The following KPNA5 variants were observed in gnomAD, a reference collection of about 807,000 sequenced individuals.
KPNA5 encodes the protein importin subunit alpha-6.
KPNA5 carries 46 observed loss-of-function variants against 71.3 expected under a neutral mutation model. The ratio of observed to expected loss-of-function variants is 0.65; its 90% CI spans 0.51 to 0.83. KPNA5 has a LOEUF of 0.83. KPNA5 is among the 40% of genes least tolerant of loss of function. The pLI is 0.00. For missense variants in KPNA5, 547 were observed against 628.3 expected, an observed-to-expected ratio of 0.87 and a Z score of 1.38; for synonymous variants, 207 against 201.4, an observed-to-expected ratio of 1.03 and a Z score of -0.24.
intron 7 of KPNA5, among the ~76,000 whole-genome samples, 186 bp downstream of exon 7, chr6:116,705,346 T>C (rs1235860041): frequency 6.6e-6 from 1 of 152,228 alleles, no homozygotes; most frequent in Non-Finnish European, 1.5e-5. Context: ...TATGTTCCCT[T>C]AAACCACACG....
At chr6:116,709,112 C>T (rs1778555097) in intron 7 of KPNA5, among the ~76,000 whole-genome samples, 1 of 152,130 alleles carries the variant, frequency 6.6e-6, no homozygotes, top group Non-Finnish European at 1.5e-5. Context: ...CATCCTGCAA[C>T]TTTGTTGAAT....
chr6:116,708,562 T>G (rs1778533629), intron 7 of KPNA5, among the ~76,000 whole-genome samples: 1 of 152,204 alleles, frequency 6.6e-6, no homozygotes, highest in Admixed American at 6.5e-5. Context: ...AGGCTTCCAA[T>G]TCATGAACCT....
In KPNA5 at chr6:116,702,117, T is replaced by A; in HGVS notation, c.534T>A (p.Leu178=). 1.9e-6 allele frequency: 3 copies of A among 1,614,008 alleles called. No homozygotes were observed. Among genetic ancestry groups the A allele is most frequent in the Non-Finnish European group, 2.5e-6 (3 of 1,179,948 alleles). Residue 178 remains leucine (L), a synonymous_variant, in exon 6 of 14, where the codon CTT becomes CTA. Transcript: ENST00000368564. The stretch of plus-strand genomic sequence containing the variant: ...GGGCTGTTCCGATTTTTATCAAACT[T>A]CTTAATTCTGAACATGAAGATGTTC... ...ETGAVPIFIK[L]LNSEHEDVQE...
At chr6:116,685,228 A>G (rs1195409134) in intron 1 of KPNA5, among the ~76,000 whole-genome samples, 1 of 152,220 alleles carries the variant, frequency 6.6e-6, no homozygotes, top group African/African-American at 2.4e-5. Flanking sequence ...AACAATGTGG[A>G]CGACTCAAAT....
intron 1 of KPNA5, among the ~76,000 whole-genome samples, chr6:116,688,508 A>C (rs1777679459): frequency 6.6e-6 from 1 of 152,156 alleles, no homozygotes; most frequent in Non-Finnish European, 1.5e-5. Context: ...CAGTATTTTA[A>C]TATTCCTATA....
In KPNA5 at chr6:116,706,806, A is replaced by T. The variant is rs185097492; in HGVS notation, c.656+1646A>T. On this transcript the variant is annotated intron_variant, in intron 7 of 13. Transcript: ENST00000368564. ...ATTTAAAAAAATAAGAAAAGTAATT[A>T]AAAGGAAGTTAAGTTAGATACTCTC... Among the ~76,000 whole-genome samples the T allele has an allele frequency of 3.9e-5, 6 of 152,316 alleles. No homozygotes were observed. In the East Asian group the frequency reaches 9.6e-4, roughly 24 times the overall value.
At chr6:116,683,269 T>A (rs1427654879) in intron 1 of KPNA5, among the ~76,000 whole-genome samples, 1 of 152,190 alleles carries the variant, frequency 6.6e-6, no homozygotes, top group Non-Finnish European at 1.5e-5. Context: ...ATATTGAGGA[T>A]GAATGCACAA....
At chr6:116,682,729 GA>G (rs902377975) in intron 1 of KPNA5, among the ~76,000 whole-genome samples, 10 of 151,952 alleles carry the variant, frequency 6.6e-5, no homozygotes, top group African/African-American at 2.4e-4. Flanking sequence ...GCTTATGAAT[GA>G]AAAAAATTCC....
At chr6:116,698,511 G>A (rs1200855739) in intron 4 of KPNA5, among the ~76,000 whole-genome samples, 193 bp from the exon 5 acceptor site, 1 of 151,980 alleles carries the variant, frequency 6.6e-6, no homozygotes, top group African/African-American at 2.4e-5. Flanking sequence ...TGAGAAAGCG[G>A]AATTTGCAAA....
At position 116,681,251 on chromosome 6, in the gene KPNA5, G is replaced by A. The variant is rs1162634738; in HGVS notation, c.-84G>A. On this transcript the variant is annotated 5_prime_UTR_variant, in exon 1 of 14. Coordinates refer to ENST00000368564, the MANE Select transcript of KPNA5 (RefSeq NM_001366306.2). ...CTGGGTCGCTACGCTTCACGCCAGG[G>A]GCGGAGTGGCGGCCCTTCTGTTACC... The A allele has an allele frequency of 3.8e-6, 6 of 1,579,112 alleles. No homozygotes were observed. Among genetic ancestry groups the A allele is most frequent in the Non-Finnish European group, 4.3e-6 (5 of 1,153,852 alleles).
intron 7 of KPNA5, among the ~76,000 whole-genome samples, chr6:116,706,350 A>G (rs1225538237): frequency 6.6e-6 from 1 of 152,242 alleles, no homozygotes; most frequent in African/African-American, 2.4e-5. Context: ...TAAAAAATAA[A>G]ACAAAGGAAG....
chr6:116,705,676 A>T (rs955288927), intron 7 of KPNA5, among the ~76,000 whole-genome samples: 2 of 152,178 alleles, frequency 1.3e-5, no homozygotes, highest in Non-Finnish European at 2.9e-5. Flanking sequence ...TAGAAATGAC[A>T]TAAAATTTTT....
At chr6:116,702,362 A>G (rs182515936) in intron 6 of KPNA5, among the ~76,000 whole-genome samples, 61 of 152,318 alleles carry the variant, frequency 4.0e-4, no homozygotes, top group Non-Finnish European at 8.8e-5. Flanking sequence ...CACAGCTAGC[A>G]TAGGAATTAC....
rs1264430932 is a variant in KPNA5 at position 116,722,223 on chromosome 6, G to T, written c.854G>T (p.Gly285Val). The T allele has an allele frequency of 8.1e-6, 13 of 1,613,016 alleles. No individual in the cohort carries two copies. The highest frequency in any genetic ancestry group is 1.1e-5 in the Non-Finnish European group (13 of 1,179,442). ...VCWALSYLSD[G>V]PNDKIQAVID... ...TGGGCCCTTTCTTATCTCTCCGATGGACCCAATGATAAAATTCAAGCAGTC... is the reference window on the plus strand; with the variant it reads ...TGGGCCCTTTCTTATCTCTCCGATGTACCCAATGATAAAATTCAAGCAGTC... Residue 285 changes from glycine to valine, a missense_variant, in exon 9 of 14, where the codon GGA becomes GTA. Gly to Val is a moderately radical substitution (Grantham distance 109). Transcript: ENST00000368564.
At position 116,734,228 on chromosome 6, in the gene KPNA5, A is replaced by G. The variant is rs1490766528; in HGVS notation, c.*1905A>G. 3 of 151,734 alleles carry G rather than the reference A, an allele frequency of 2.0e-5. No homozygotes were observed. Among genetic ancestry groups the G allele is most frequent in the Admixed American group, 2.0e-4 (3 of 15,186 alleles). 9.4% of individuals were successfully genotyped at this position (151,734 alleles called of 1,614,324 possible). A position where few individuals can be genotyped will look rare whatever the true frequency, so the allele number is the denominator to read the frequency against. On this transcript the variant is annotated 3_prime_UTR_variant, in exon 14 of 14. Coordinates refer to ENST00000368564, the MANE Select transcript of KPNA5 (RefSeq NM_001366306.2). Reference sequence around the variant, plus strand: ...CAGGGTATTCTACTCTTTCTAGTCAATTAAAATTGATAATGCAGCATGATT... The same window carrying G: ...CAGGGTATTCTACTCTTTCTAGTCAGTTAAAATTGATAATGCAGCATGATT...
At chr6:116,706,461 G>T (rs1778438961) in intron 7 of KPNA5, among the ~76,000 whole-genome samples, 1 of 151,792 alleles carries the variant, frequency 6.6e-6, no homozygotes, top group South Asian at 2.1e-4. Context: ...AGGCCAAGGC[G>T]GGTGGATCCC....
intron 4 of KPNA5, among the ~76,000 whole-genome samples, chr6:116,698,020 A>G (rs937910830): frequency 3.9e-5 from 6 of 152,002 alleles, no homozygotes; most frequent in African/African-American, 1.4e-4. Context: ...AATAAACAGG[A>G]ATAAGACTAT....
intron 2 of KPNA5, 148 bp from the exon 3 acceptor site, chr6:116,691,907 A>G: frequency 3.0e-6 from 2 of 662,580 alleles, no homozygotes; most frequent in Non-Finnish European, 5.3e-6. Flanking sequence ...TTCCTAGTAT[A>G]ATGATTGGGA....
rs1562463644 is a variant in KPNA5 at position 116,740,928 on chromosome 6, G to A, written c.*8605G>A. The A allele has an allele frequency of 2.0e-5, 3 of 151,822 alleles. No homozygotes were observed. Among genetic ancestry groups the A allele is most frequent in the Non-Finnish European group, 4.4e-5 (3 of 67,976 alleles). 9.4% of individuals were successfully genotyped at this position (151,822 alleles called of 1,614,324 possible). On this transcript the variant is annotated 3_prime_UTR_variant, in exon 14 of 14. Transcript: ENST00000368564. ...GTTAATGGGTGCAGCACACCAACATGGCACATGTATACATATGTAACTAAC... is the reference window on the plus strand; with the variant it reads ...GTTAATGGGTGCAGCACACCAACATAGCACATGTATACATATGTAACTAAC...
Sources: allele counts gnomAD v4.1 joint callset (sites outside exome capture counted in the v4.1 genomes callset), GRCh38; gene constraint gnomAD v4.1.1; transcripts MANE v1.5; gene names NCBI Gene and HGNC (gene_info 2026-07-23, HGNC 2026-07-21).